Variants in MSRA observed in about 807,000 individuals in gnomAD.
MSRA encodes mitochondrial peptide methionine sulfoxide reductase.
A neutral mutation model predicts 31.3 loss-of-function variants in MSRA; 54 were observed. The ratio of observed to expected loss-of-function variants is 1.73; its 90% CI spans 1.39 to 2.17. MSRA has a LOEUF of 2.17. MSRA is among the 30% of genes most tolerant of loss of function. The probability of loss-of-function intolerance (pLI) is 0.00; values close to 1 mark genes in which losing one functional copy is unlikely to be tolerated. For missense variants in MSRA, 507 were observed against 300.9 expected (o/e 1.69, Z -5.07); for synonymous variants, 169 against 116.5 (o/e 1.45, Z -2.90).
At chr8:10,233,538 T>C (rs1033096799) in intron 2 of MSRA, among the ~76,000 whole-genome samples, 11 of 152,314 alleles carry the variant, frequency 7.2e-5, no homozygotes, top group Non-Finnish European at 7.4e-5. Context: ...GAATAAAAAA[T>C]AGCTACTGAA....
chr8:10,278,690 G>C (rs1196937685), intron 3 of MSRA, among the ~76,000 whole-genome samples: 1 of 152,316 alleles, frequency 6.6e-6, no homozygotes, highest in Middle Eastern at 3.4e-3. Flanking sequence ...TTAGAGATGA[G>C]AGATAGAGCT....
At chr8:10,225,492 A>G (rs372548894) in intron 2 of MSRA, among the ~76,000 whole-genome samples, 2 of 152,190 alleles carry the variant, frequency 1.3e-5, no homozygotes, top group African/African-American at 4.8e-5. Flanking sequence ...CGTTCTTTAC[A>G]TTGTCGATAG....
At chr8:10,412,702 T>C (rs1808230217) in intron 5 of MSRA, among the ~76,000 whole-genome samples, 1 of 152,096 alleles carries the variant, frequency 6.6e-6, no homozygotes, top group African/African-American at 2.4e-5. Context: ...AGAAGGCAAA[T>C]AGGAACGTTA....
intron 5 of MSRA, among the ~76,000 whole-genome samples, chr8:10,396,105 C>T (rs748491600): frequency 1.3e-5 from 2 of 152,166 alleles, no homozygotes; most frequent in African/African-American, 2.4e-5. Flanking sequence ...AGGCCTGATC[C>T]CCCTCCTTCT....
At chr8:10,168,987 C>T (rs1805375066) in intron 1 of MSRA, among the ~76,000 whole-genome samples, 1 of 152,202 alleles carries the variant, frequency 6.6e-6, no homozygotes, top group Admixed American at 6.5e-5. Context: ...ACGGGCAGGT[C>T]TTGAGGTAGA....
chr8:10,400,896 A>G (rs934244177), intron 5 of MSRA, among the ~76,000 whole-genome samples: 13 of 152,234 alleles, frequency 8.5e-5, no homozygotes, highest in South Asian at 2.1e-4. Context: ...AAAGACCTAA[A>G]TATAAGAGCT....
intron 3 of MSRA, among the ~76,000 whole-genome samples, chr8:10,259,311 T>C (rs879010009): frequency 1.3e-5 from 2 of 152,154 alleles, no homozygotes; most frequent in Admixed American, 6.5e-5. Context: ...AGAGGCTAAA[T>C]AAATGCAATT....
At position 10,428,405 on chromosome 8, in the gene MSRA, A is replaced by G. The variant is rs1335954384; in HGVS notation, c.*93A>G. Reference sequence around the variant, plus strand: ...TGTGATTCACAATCGTGGCATTTAAAGTGCACAAAGTACAAAGGAATTTAT... The same window carrying G: ...TGTGATTCACAATCGTGGCATTTAAGGTGCACAAAGTACAAAGGAATTTAT... On this transcript the variant is annotated 3_prime_UTR_variant, in exon 6 of 6. Transcript: ENST00000317173. 1.3e-5 allele frequency: 17 copies of G among 1,331,806 alleles called. No individual in the cohort carries two copies. The allele number at this position is 1,331,806 out of a possible 1,614,324, so 82.5% of individuals were successfully genotyped here. A position where few individuals can be genotyped will look rare whatever the true frequency, so the allele number is the denominator to read the frequency against.
intron 4 of MSRA, among the ~76,000 whole-genome samples, chr8:10,317,844 C>G (rs952756259): frequency 3.9e-5 from 6 of 152,146 alleles, no homozygotes; most frequent in Non-Finnish European, 7.3e-5. Flanking sequence ...GGTGATTATG[C>G]TCACTCAGGG....
At chr8:10,089,678 A>T (rs1418126714) in intron 1 of MSRA, among the ~76,000 whole-genome samples, 1 of 152,220 alleles carries the variant, frequency 6.6e-6, no homozygotes, top group Non-Finnish European at 1.5e-5. Flanking sequence ...TATAAGAAAT[A>T]TGGCATTAGC....
At chr8:10,090,768 A>G (rs1220203353) in intron 1 of MSRA, among the ~76,000 whole-genome samples, 1 of 152,190 alleles carries the variant, frequency 6.6e-6, no homozygotes, top group Admixed American at 6.5e-5. Flanking sequence ...AACCTTTCAT[A>G]TATATAGAAT....
intron 5 of MSRA, among the ~76,000 whole-genome samples, chr8:10,334,165 G>GGT (rs1170369259): frequency 0.022 from 3,198 of 143,530 alleles, 59 homozygotes; most frequent in African/African-American, 0.048. Flanking sequence ...AACATATAGG[G>GGT]GTGTGTGTGT....
intron 3 of MSRA, chr8:10,250,323 A>C: frequency 1.5e-6 from 1 of 655,524 alleles, no homozygotes; most frequent in Non-Finnish European, 2.8e-6. Context: ...ATTCTGGGTT[A>C]ATTTCAGTGC....
rs1029951383 is a variant in MSRA at position 10,428,232 on chromosome 8, C to A, written c.628C>A (p.Gln210Lys). 1 of 1,614,200 alleles carries A rather than the reference C, an allele frequency of 6.2e-7. No homozygotes were observed. The highest frequency in any genetic ancestry group is 8.5e-7 in the Non-Finnish European group (1 of 1,180,026). ...TFYYAEDYHQ[Q>K]YLSKNPNGYC... The stretch of plus-strand genomic sequence containing the variant: ...CTACTATGCGGAAGACTACCACCAG[C>A]AGTACCTGAGCAAGAACCCCAATGG... The change falls in exon 6 of 6, where the codon CAG becomes AAG. Residue 210 changes from glutamine (Q) to lysine (K), a missense_variant. Coordinates refer to ENST00000317173, the MANE Select transcript of MSRA (RefSeq NM_012331.5).
chr8:10,336,624 C>T (rs1321283058), intron 5 of MSRA, among the ~76,000 whole-genome samples: 1 of 152,044 alleles, frequency 6.6e-6, no homozygotes, highest in Non-Finnish European at 1.5e-5. Flanking sequence ...ACATGAGTAG[C>T]CCTTACTGAG....
At chr8:10,087,667 T>A (rs535572262) in intron 1 of MSRA, among the ~76,000 whole-genome samples, 1 of 152,204 alleles carries the variant, frequency 6.6e-6, no homozygotes, top group Non-Finnish European at 1.5e-5. Flanking sequence ...GTTGCCTGTC[T>A]CAGTGTTCAA....
At chr8:10,251,872 G>C (rs1390029396) in intron 3 of MSRA, among the ~76,000 whole-genome samples, 1 of 151,920 alleles carries the variant, frequency 6.6e-6, no homozygotes, top group East Asian at 1.9e-4. Flanking sequence ...GGGGGGGGGG[G>C]GACATAGGTC....
intron 5 of MSRA, among the ~76,000 whole-genome samples, chr8:10,389,110 A>G (rs1585654925): frequency 1.3e-5 from 2 of 152,028 alleles, no homozygotes; most frequent in Non-Finnish European, 2.9e-5. Context: ...AAAATTCGTA[A>G]CCTCCGGCAT....
chr8:10,260,462 C>T (rs555941166), intron 3 of MSRA, among the ~76,000 whole-genome samples: 39 of 152,134 alleles, frequency 2.6e-4, no homozygotes, highest in Non-Finnish European at 4.7e-4. Flanking sequence ...TAGCGGCACA[C>T]GTACACAAGC....
Sources: allele counts gnomAD v4.1 joint callset (sites outside exome capture counted in the v4.1 genomes callset), GRCh38; gene constraint gnomAD v4.1.1; transcripts MANE v1.5; gene names NCBI Gene and HGNC (gene_info 2026-07-23, HGNC 2026-07-21).